Variants in PCDHGA9 observed in about 807,000 individuals in gnomAD.
PCDHGA9 encodes protocadherin gamma subfamily A, 9.
A neutral mutation model predicts 62.5 loss-of-function variants in PCDHGA9; 37 were observed. That is an observed-to-expected ratio of 0.59 (90% CI 0.46 to 0.78). The LOEUF (loss-of-function observed/expected upper bound fraction) is 0.78, where lower values mean the gene tolerates loss of function less well. Ranked by LOEUF, PCDHGA9 falls within the 30% of genes least tolerant of loss-of-function variation. The probability of loss-of-function intolerance (pLI) is 0.00; values close to 1 mark genes in which losing one functional copy is unlikely to be tolerated. For missense variants in PCDHGA9, 1,138 were observed against 1,166.2 expected (o/e 0.98, Z 0.35); for synonymous variants, 459 against 484.6 (o/e 0.95, Z 0.69).
chr5:141,423,058 A>T (rs1235938743), intron 1 of PCDHGA9: 1 of 1,614,022 alleles, frequency 6.2e-7, no homozygotes, highest in Non-Finnish European at 8.5e-7. Context: ...TCGCCTGCTT[A>T]AGGCCAGCGA....
chr5:141,424,519 A>T (rs1216899186), intron 1 of PCDHGA9: 1 of 152,222 alleles, frequency 6.6e-6, no homozygotes, highest in African/African-American at 2.4e-5. Context: ...TTAATGTAGT[A>T]AATCCATATA....
At chr5:141,450,754 C>G (rs192088793) in intron 1 of PCDHGA9, among the ~76,000 whole-genome samples, 1 of 150,996 alleles carries the variant, frequency 6.6e-6, no homozygotes, top group Non-Finnish European at 1.5e-5. Context: ...CCCAAAGTGC[C>G]GGGATTACAG....
rs2094321391 is a variant in PCDHGA9, at chr5:141,402,912, G to GCTTCATCA, written c.-40_-39insTTCATCAC. ...AAGAAAGAACCTGATGAAGCAGCGCGCACAGAGATCCTTTTGAGAAAATTC... is the reference window on the plus strand; with the variant it reads ...AAGAAAGAACCTGATGAAGCAGCGCGCTTCATCACACAGAGATCCTTTTGAGAAAATTC... On this transcript the variant is annotated 5_prime_UTR_variant, in exon 1 of 4. The change abolishes the stop of an existing upstream ORF in the 5' untranslated region. Coordinates refer to ENST00000573521, the MANE Select transcript of PCDHGA9 (RefSeq NM_018921.3). 6 of 1,553,880 alleles carry GCTTCATCA rather than the reference G, an allele frequency of 3.9e-6. No individual in the cohort carries two copies. In the African/African-American group the frequency reaches 8.2e-5, roughly 21 times the overall value.
In PCDHGA9 at chr5:141,462,600, A is replaced by G. The variant is rs2154567827; in HGVS notation, c.2425-32207A>G. ...ATCCAGTGAAGTTTCCATTTCATAT[A>G]TTGTATTTTTCACTTTTAGAAGTTC... is the stretch of plus-strand genomic sequence containing the variant. On this transcript the variant is annotated intron_variant, in intron 1 of 3. Coordinates refer to ENST00000573521, the MANE Select transcript of PCDHGA9 (RefSeq NM_018921.3). Among the ~76,000 whole-genome samples, 6 of 152,076 alleles carry G rather than the reference A, an allele frequency of 3.9e-5. No homozygotes were observed. In the Middle Eastern group the frequency reaches 0.014, roughly 345 times the overall value.
rs778172652 is a variant in PCDHGA9, at chr5:141,418,978, C to G, written c.2424+13602C>G. 4 of 1,613,790 alleles carry G rather than the reference C, an allele frequency of 2.5e-6. No individual in the cohort carries two copies. In the South Asian group the frequency reaches 4.4e-5, roughly 18 times the overall value. ...TTGTTGCCCTCTTCAAAACACGGGACCAAGACTCAGGGGAAAATGGGGAAG... is the reference window on the plus strand; with the variant it reads ...TTGTTGCCCTCTTCAAAACACGGGAGCAAGACTCAGGGGAAAATGGGGAAG... On this transcript the variant is annotated intron_variant, in intron 1 of 3. Coordinates refer to ENST00000573521, the MANE Select transcript of PCDHGA9 (RefSeq NM_018921.3).
Position 141,431,354 on chromosome 5 carries a change from G to A in PCDHGA9, c.2424+25978G>A, listed in dbSNP as rs777198567. On this transcript the variant is annotated intron_variant, in intron 1 of 3. Coordinates refer to ENST00000573521, the MANE Select transcript of PCDHGA9 (RefSeq NM_018921.3). This position sits in a 1 kb window ranked among gnomAD's most constrained non-coding sequence, Gnocchi z 4.8. ...GTACCCCGAATTGGTGCTGAAACGC[G>A]CCCTGGACCGCGAAGAAAAGGCTGC... is the stretch of plus-strand genomic sequence containing the variant. 1 of 1,614,036 alleles carries A rather than the reference G, an allele frequency of 6.2e-7. No homozygotes were observed. Among genetic ancestry groups the A allele is most frequent in the South Asian group, 1.1e-5 (1 of 91,086 alleles).
rs2096271749 is a variant in PCDHGA9, at chr5:141,418,581, T to G, written c.2424+13205T>G. On this transcript the variant is annotated intron_variant, in intron 1 of 3. Coordinates refer to ENST00000573521, the MANE Select transcript of PCDHGA9 (RefSeq NM_018921.3). The stretch of plus-strand genomic sequence containing the variant: ...ATAGATGCCAATGACAACCCCCCAG[T>G]GTTCAGCCAGGACGTGTACAGGGTT... The G allele has an allele frequency of 2.5e-6, 4 of 1,613,854 alleles. No homozygotes were observed. The South Asian group carries it at 4.4e-5, about 18-fold the overall frequency.
chr5:141,414,986 A>G, intron 1 of PCDHGA9: 4 of 1,613,824 alleles, frequency 2.5e-6, no homozygotes, highest in Non-Finnish European at 3.4e-6. Context: ...GACTCCGGCC[A>G]GAACGCCTGG....
In PCDHGA9 at chr5:141,432,002, G is replaced by A. The variant is rs781525225; in HGVS notation, c.2424+26626G>A. On this transcript the variant is annotated intron_variant, in intron 1 of 3. Transcript: ENST00000573521. This position sits in a 1 kb window ranked among gnomAD's most constrained non-coding sequence, Gnocchi z 6.0. ...AGACATAGTCTTGGATAGGGAACAG[G>A]TTCCTAGCTACAACATCACAGTGAC... The A allele has an allele frequency of 1.9e-6, 3 of 1,614,186 alleles. No homozygotes were observed. In the South Asian group the frequency reaches 3.3e-5, roughly 18 times the overall value.
At chr5:141,410,419 T>TC (rs769125626) in intron 1 of PCDHGA9, 49 of 1,613,886 alleles carry the variant, frequency 3.0e-5, no homozygotes, top group Non-Finnish European at 3.6e-5. Context: ...GACCTGTAGT[T>TC]CCCCCCAACT....
At chr5:141,455,984 G>A (rs1405675950) in intron 1 of PCDHGA9, among the ~76,000 whole-genome samples, 2 of 151,492 alleles carry the variant, frequency 1.3e-5, no homozygotes, top group East Asian at 1.9e-4. Context: ...TGCAAGCTCC[G>A]CCTCTCGGGT....
At chr5:141,475,959 A>T (rs963363028) in intron 1 of PCDHGA9, 15 of 817,720 alleles carry the variant, frequency 1.8e-5, no homozygotes, top group East Asian at 2.6e-5. Context: ...GCGCCCCGGG[A>T]TGAGGCAGAG....
intron 1 of PCDHGA9, chr5:141,478,533 C>G: frequency 6.2e-7 from 1 of 1,608,070 alleles, no homozygotes; most frequent in African/African-American, 1.3e-5. Context: ...GCAGAGAGCG[C>G]CCCTCCCGGA....
At chr5:141,428,275 G>C in intron 1 of PCDHGA9, 1 of 767,218 alleles carries the variant, frequency 1.3e-6, no homozygotes, top group Non-Finnish European at 2.2e-6. Context: ...TGTGCCCTCT[G>C]ATTCCCAAGC....
Position 141,477,068 on chromosome 5 carries a change from C to G in PCDHGA9, c.2425-17739C>G. The G allele has an allele frequency of 6.2e-7, 1 of 1,614,268 alleles. No individual in the cohort carries two copies. Among genetic ancestry groups the G allele is most frequent in the Non-Finnish European group, 8.5e-7 (1 of 1,180,046 alleles). On this transcript the variant is annotated intron_variant, in intron 1 of 3. Coordinates refer to ENST00000573521, the MANE Select transcript of PCDHGA9 (RefSeq NM_018921.3). This position sits in a 1 kb window ranked among gnomAD's most constrained non-coding sequence, Gnocchi z 4.9. ...GCTGGACTTCGAGGACACCAAACTC[C>G]ATGAGATTTACATCCAGGCCAAAGA...
chr5:141,408,358 G>C, intron 1 of PCDHGA9: 1 of 1,613,952 alleles, frequency 6.2e-7, no homozygotes, highest in South Asian at 1.1e-5. Context: ...ACCTCGCTAA[G>C]GATCTAGGGC....
chr5:141,491,232 G>C lies in PCDHGA9; in HGVS notation c.2425-3575G>C. The C allele has an allele frequency of 6.2e-7, 1 of 1,614,220 alleles. No individual in the cohort carries two copies. Among genetic ancestry groups the C allele is most frequent in the Non-Finnish European group, 8.5e-7 (1 of 1,180,034 alleles). On this transcript the variant is annotated intron_variant, in intron 1 of 3. Coordinates refer to ENST00000573521, the MANE Select transcript of PCDHGA9 (RefSeq NM_018921.3). The surrounding 1 kb of genome is among the most constrained non-coding windows in gnomAD (Gnocchi z 6.9). ...TCTCCTCCACAGCCACAGTGCTGCT[G>C]GTTCTGGAGGATGAGGACCCTGAGG... is the stretch of plus-strand genomic sequence containing the variant.
At position 141,489,635 on chromosome 5, in the gene PCDHGA9, G is replaced by A. The variant is rs1380466520; in HGVS notation, c.2425-5172G>A. On this transcript the variant is annotated intron_variant, in intron 1 of 3. Coordinates refer to ENST00000573521, the MANE Select transcript of PCDHGA9 (RefSeq NM_018921.3). The surrounding 1 kb of genome is among the most constrained non-coding windows in gnomAD (Gnocchi z 4.5). Reference sequence around the variant, plus strand: ...CTGGATCTCAATGACAACTCTCCTAGCTTTGCCACCCCTGAGCGAGAGATG... The same window carrying A: ...CTGGATCTCAATGACAACTCTCCTAACTTTGCCACCCCTGAGCGAGAGATG... 6.2e-7 allele frequency: 1 copy of A among 1,614,142 alleles called. No individual in the cohort carries two copies. The highest frequency in any genetic ancestry group is 8.5e-7 in the Non-Finnish European group (1 of 1,180,012).
chr5:141,485,930 G>A lies in PCDHGA9; in HGVS notation c.2425-8877G>A. ...ATCCAGCTACAGGATTAGTGTGTTG[G>A]AGAGCGCACCAGCGGGCATGGTGCT... On this transcript the variant is annotated intron_variant, in intron 1 of 3. Transcript: ENST00000573521. This position sits in a 1 kb window ranked among gnomAD's most constrained non-coding sequence, Gnocchi z 5.7. The A allele has an allele frequency of 6.2e-7, 1 of 1,614,178 alleles. No homozygotes were observed. Among genetic ancestry groups the A allele is most frequent in the Non-Finnish European group, 8.5e-7 (1 of 1,180,042 alleles).
Sources: allele counts gnomAD v4.1 joint callset (sites outside exome capture counted in the v4.1 genomes callset), GRCh38; gene constraint gnomAD v4.1.1; non-coding constraint Gnocchi (gnomAD v3.1); transcripts MANE v1.5; gene names NCBI Gene and HGNC (gene_info 2026-07-23, HGNC 2026-07-21).